Variants in OSBPL8 observed in about 807,000 individuals in gnomAD.
The protein encoded by OSBPL8 is oxysterol-binding protein-related protein 8.
A neutral mutation model predicts 125.5 loss-of-function variants in OSBPL8; 59 were observed. The ratio of observed to expected loss-of-function variants is 0.47; its 90% CI spans 0.38 to 0.58. The LOEUF is 0.58. Ranked by LOEUF, OSBPL8 falls within the 20% of genes least tolerant of loss-of-function variation. The pLI is 0.00. For missense variants in OSBPL8, 758 were observed against 1,047.8 expected, an observed-to-expected ratio of 0.72 and a Z score of 3.82; for synonymous variants, 330 against 338.9, an observed-to-expected ratio of 0.97 and a Z score of 0.29.
Position 76,450,702 on chromosome 12 carries a change from A to AT in OSBPL8, c.217+148dup, listed in dbSNP as rs1873281679. 9.9e-6 allele frequency: 7 copies of AT among 708,062 alleles called. No individual in the cohort carries two copies. In the Admixed American group the frequency reaches 2.3e-4, roughly 23 times the overall value. The allele number at this position is 708,062 out of a possible 1,614,324, so 43.9% of individuals were successfully genotyped here. A position where few individuals can be genotyped will look rare whatever the true frequency, so the allele number is the denominator to read the frequency against. On this transcript the variant is annotated intron_variant, in intron 4 of 23. Coordinates refer to ENST00000261183, the MANE Select transcript of OSBPL8 (RefSeq NM_020841.5). ...TGTACTCATTTCAAGAGTATTATAG[A>AT]TGACCTAAACAAAACAAACAAAACC...
At chr12:76,363,498 C>T (rs1006186911) in intron 21 of OSBPL8, among the ~76,000 whole-genome samples, 6 of 152,128 alleles carry the variant, frequency 3.9e-5, no homozygotes, top group African/African-American at 1.4e-4. Flanking sequence ...ACACCTTATA[C>T]AAAAATTAAC....
At chr12:76,369,334 T>C in intron 20 of OSBPL8, 33 bp from the exon 21 acceptor site, 1 of 1,567,286 alleles carries the variant, frequency 6.4e-7, no homozygotes, top group Non-Finnish European at 8.6e-7. Context: ...AACCATTTGC[T>C]CAATGACTAA....
At chr12:76,497,724 A>G (rs545918745) in intron 1 of OSBPL8, among the ~76,000 whole-genome samples, 10 of 152,322 alleles carry the variant, frequency 6.6e-5, no homozygotes, top group African/African-American at 2.4e-4. Flanking sequence ...GCTTAAGTGC[A>G]TAAGGTCCTT....
At chr12:76,390,722 TA>T (rs1953523789) in intron 10 of OSBPL8, 65 bp from the exon 11 acceptor site, 1 of 935,340 alleles carries the variant, frequency 1.1e-6, no homozygotes, top group Admixed American at 1.9e-5. Context: ...TCATAAATAA[TA>T]ATTATATACA....
intron 4 of OSBPL8, among the ~76,000 whole-genome samples, chr12:76,417,896 C>T (rs192121445): frequency 6.6e-6 from 1 of 151,830 alleles, no homozygotes. Context: ...TCTTATGTAT[C>T]TGGCCATCTC....
At chr12:76,514,596 T>C (rs1012013364) in intron 1 of OSBPL8, among the ~76,000 whole-genome samples, 1 of 152,204 alleles carries the variant, frequency 6.6e-6, no homozygotes, top group African/African-American at 2.4e-5. Context: ...TTTTCTTTCA[T>C]TTCAATCTTG....
chr12:76,545,069 C>A (rs1483879194), intron 1 of OSBPL8, among the ~76,000 whole-genome samples: 1 of 152,102 alleles, frequency 6.6e-6, no homozygotes, highest in African/African-American at 2.4e-5. Context: ...ACACTTCTTG[C>A]AGGTTTATTT....
intron 3 of OSBPL8, among the ~76,000 whole-genome samples, chr12:76,452,577 T>C (rs1342186107): frequency 6.6e-6 from 1 of 152,360 alleles, no homozygotes; most frequent in African/African-American, 2.4e-5. Context: ...AAACCTTAGA[T>C]GTGTTTTTAT....
intron 15 of OSBPL8, among the ~76,000 whole-genome samples, chr12:76,380,017 G>A (rs766852688): frequency 1.3e-5 from 2 of 152,080 alleles, no homozygotes; most frequent in Non-Finnish European, 2.9e-5. Flanking sequence ...CTACCATTAC[G>A]TCAATTCCAC....
chr12:76,433,912 T>C (rs962647489), intron 4 of OSBPL8, among the ~76,000 whole-genome samples: 1 of 144,866 alleles, frequency 6.9e-6, no homozygotes, highest in African/African-American at 2.6e-5. Flanking sequence ...GAGGCGGAGG[T>C]TGCAGTGAGC....
At position 76,372,065 on chromosome 12, in the gene OSBPL8, C is replaced by T. The variant is rs181770825; in HGVS notation, c.1918-481G>A. ...ATAATCTTTCTATCTAAGACATGGA[C>T]GGTCTTGCTCTCTTGTGTAGGCTGG... On this transcript the variant is annotated intron_variant, in intron 18 of 23. Transcript: ENST00000261183. Among the ~76,000 whole-genome samples the T allele has an allele frequency of 1.3e-3, 201 of 152,258 alleles. 4 individuals are homozygous for T. Among genetic ancestry groups the T allele is most frequent in the Admixed American group, 2.6e-3 (39 of 15,272 alleles).
intron 1 of OSBPL8, among the ~76,000 whole-genome samples, chr12:76,506,420 T>C (rs1880422052): frequency 6.6e-6 from 1 of 152,132 alleles, no homozygotes; most frequent in Admixed American, 6.5e-5. Context: ...ACCATAACAT[T>C]GAATGAGATA....
intron 4 of OSBPL8, among the ~76,000 whole-genome samples, chr12:76,424,155 C>T (rs1869854983): frequency 6.6e-6 from 1 of 152,110 alleles, no homozygotes; most frequent in African/African-American, 2.4e-5. Flanking sequence ...CACCTGCCAC[C>T]ATGCCTGGCT....
chr12:76,453,809 G>T (rs1873700718), intron 3 of OSBPL8, among the ~76,000 whole-genome samples: 1 of 151,792 alleles, frequency 6.6e-6, no homozygotes, highest in Non-Finnish European at 1.5e-5. Context: ...TTAACAAAAG[G>T]TTGGTACCTA....
chr12:76,429,247 C>T (rs1042317275), intron 4 of OSBPL8, among the ~76,000 whole-genome samples: 6 of 115,584 alleles, frequency 5.2e-5, no homozygotes, highest in African/African-American at 1.8e-4. Flanking sequence ...AGTATACGAC[C>T]GTACTTTCCT....
chr12:76,501,020 C>T (rs982108140), intron 1 of OSBPL8, among the ~76,000 whole-genome samples: 3 of 152,054 alleles, frequency 2.0e-5, no homozygotes, highest in Middle Eastern at 3.2e-3. Context: ...GTGCCAGTAA[C>T]TTTGGTTAAT....
rs773056958 is a variant in OSBPL8, at chr12:76,464,344, T to C, written c.43-4449A>G. Among the ~76,000 whole-genome samples the C allele has an allele frequency of 4.7e-4, 72 of 152,196 alleles. 2 individuals carry two copies. Among genetic ancestry groups the C allele is most frequent in the Admixed American group, 2.0e-4 (3 of 15,278 alleles). On this transcript the variant is annotated intron_variant, in intron 2 of 23. Transcript: ENST00000261183. ...TTGAGTATGTTATTGTTTACCATTG[T>C]CCCACAGACAATGTCCACACAGTTA... is the stretch of plus-strand genomic sequence containing the variant.
At chr12:76,489,298 G>C (rs1485441147) in intron 1 of OSBPL8, among the ~76,000 whole-genome samples, 1 of 152,184 alleles carries the variant, frequency 6.6e-6, no homozygotes, top group Admixed American at 6.5e-5. Context: ...CTAAACAACA[G>C]GTTTTCAATA....
chr12:76,406,493 T>C (rs1277114732), intron 5 of OSBPL8, among the ~76,000 whole-genome samples: 2 of 152,216 alleles, frequency 1.3e-5, no homozygotes, highest in African/African-American at 4.8e-5. Context: ...ATTCCTTTGG[T>C]TGAGATGGAT....
Sources: allele counts gnomAD v4.1 joint callset (sites outside exome capture counted in the v4.1 genomes callset), GRCh38; gene constraint gnomAD v4.1.1; transcripts MANE v1.5; gene names NCBI Gene and HGNC (gene_info 2026-07-23, HGNC 2026-07-21).